The following NAPEPLD variants were observed in gnomAD, a reference collection of about 807,000 sequenced individuals.
NAPEPLD encodes N-acyl-phosphatidylethanolamine-hydrolyzing phospholipase D.
A neutral mutation model predicts 38.1 loss-of-function variants in NAPEPLD; 23 were observed. That is an observed-to-expected ratio of 0.60 (90% CI 0.43 to 0.86). The LOEUF (loss-of-function observed/expected upper bound fraction) is 0.86. NAPEPLD is among the 40% of genes least tolerant of loss of function. The pLI, the probability that NAPEPLD is intolerant of heterozygous loss-of-function variation, is 0.00. For synonymous variants in NAPEPLD, 147 were observed against 162.0 expected (o/e 0.91, Z 0.71); for missense variants, 411 against 476.8 (o/e 0.86, Z 1.28).
intron 1 of NAPEPLD, among the ~76,000 whole-genome samples, chr7:103,144,971 A>G (rs1812237421): frequency 6.6e-6 from 1 of 152,072 alleles, no homozygotes; most frequent in Admixed American, 6.6e-5. Flanking sequence ...AGATTGAGCC[A>G]CTGCACTCCA....
chr7:103,124,276 T>C (rs13221979), intron 2 of NAPEPLD, among the ~76,000 whole-genome samples: 78,911 of 152,000 alleles, frequency 0.52, 23,599 homozygotes, highest in Non-Finnish European at 0.66. Flanking sequence ...CTGACCAACA[T>C]GGAGAAACCC....
intron 1 of NAPEPLD, among the ~76,000 whole-genome samples, chr7:103,136,409 TAA>T (rs10611860): frequency 0.14 from 20,004 of 141,880 alleles, 1,339 homozygotes; most frequent in Middle Eastern, 0.21. Context: ...CTGTCTCTAC[TAA>T]AAAAAAAAAA....
intron 1 of NAPEPLD, chr7:103,141,999 A>C (rs1861725): frequency 0.97 from 646,824 of 669,506 alleles, 315,595 homozygotes; most frequent in South Asian, 1. Context: ...AAACTACACC[A>C]GAGGCTACTG....
At chr7:103,105,089 C>A (rs1803039168) in intron 4 of NAPEPLD, among the ~76,000 whole-genome samples, 1 of 152,166 alleles carries the variant, frequency 6.6e-6, no homozygotes, top group Non-Finnish European at 1.5e-5. Flanking sequence ...TCTTCACAGA[C>A]CAATTCTTCG....
chr7:103,149,254 T>C, upstream of NAPEPLD: 1 of 996,334 alleles, frequency 1.0e-6, no homozygotes, highest in African/African-American at 1.7e-5. Context: ...AGCGGCGGGG[T>C]GCGAGCGCGG....
chr7:103,134,284 C>G (rs1809578749), intron 1 of NAPEPLD, among the ~76,000 whole-genome samples: 1 of 152,150 alleles, frequency 6.6e-6, no homozygotes, highest in Non-Finnish European at 1.5e-5. Context: ...TAAATTTGTT[C>G]TAGAAAACTA....
At position 103,141,760 on chromosome 7, in the gene NAPEPLD, G is replaced by A. The variant is rs910082167; in HGVS notation, c.-17+7051C>T. 3.5e-5 allele frequency: 30 copies of A among 852,336 alleles called. 1 individual carries two copies. The highest frequency in any genetic ancestry group is 2.2e-4 in the Middle Eastern group (1 of 4,582). The allele number at this position is 852,336 out of a possible 1,614,324, so 52.8% of individuals were successfully genotyped here. ...CCAAGGTGTTTTTCCGGCATCAAGCGGGGGAATGGACCATCACAGGCTTGC... is the reference window on the plus strand; with the variant it reads ...CCAAGGTGTTTTTCCGGCATCAAGCAGGGGAATGGACCATCACAGGCTTGC... On this transcript the variant is annotated intron_variant, in intron 1 of 4. Transcript: ENST00000465647.
At chr7:103,109,644 C>T (rs1315373355) in intron 4 of NAPEPLD, among the ~76,000 whole-genome samples, 4 of 152,004 alleles carry the variant, frequency 2.6e-5, no homozygotes, top group Non-Finnish European at 5.9e-5. Context: ...CAAGAGAAAG[C>T]GGGAAAGATC....
chr7:103,148,048 T>G (rs1812939353), intron 1 of NAPEPLD: 1 of 984,994 alleles, frequency 1.0e-6, no homozygotes, highest in Non-Finnish European at 1.2e-6. Flanking sequence ...TTTTAAAGAT[T>G]ACATAACTTC....
At chr7:103,119,135 G>A (rs1447627384) in intron 3 of NAPEPLD, among the ~76,000 whole-genome samples, 1 of 152,172 alleles carries the variant, frequency 6.6e-6, no homozygotes, top group Non-Finnish European at 1.5e-5. Flanking sequence ...TAGTTGAATG[G>A]TATGTGAACT....
intron 4 of NAPEPLD, among the ~76,000 whole-genome samples, chr7:103,105,958 G>C (rs1218676080): frequency 1.5e-5 from 2 of 134,686 alleles, no homozygotes; most frequent in South Asian, 2.3e-4. Context: ...AAAAAAAAAA[G>C]GCTGAAGAGG....
At chr7:103,129,529 G>A (rs771050184) in intron 1 of NAPEPLD, among the ~76,000 whole-genome samples, 2 of 152,118 alleles carry the variant, frequency 1.3e-5, no homozygotes, top group Non-Finnish European at 2.9e-5. Flanking sequence ...CAAGCAAGTC[G>A]AATATATACA....
chr7:103,125,214 T>C (rs980864050), intron 2 of NAPEPLD, among the ~76,000 whole-genome samples: 1 of 152,254 alleles, frequency 6.6e-6, no homozygotes, highest in Non-Finnish European at 1.5e-5. Context: ...ATTTGTTATA[T>C]GTGAACACTG....
chr7:103,146,259 C>T (rs921140765), intron 1 of NAPEPLD, among the ~76,000 whole-genome samples: 1 of 151,866 alleles, frequency 6.6e-6, no homozygotes, highest in African/African-American at 2.4e-5. Context: ...GCATGAGTAT[C>T]GCTTGAACAC....
chr7:103,119,525 A>G, intron 3 of NAPEPLD, 52 bp downstream of exon 3: 1 of 1,535,362 alleles, frequency 6.5e-7, no homozygotes, highest in Non-Finnish European at 8.8e-7. Flanking sequence ...TTACTTTTAA[A>G]TTCAGTTAAT....
chr7:103,119,632 T>C lies in NAPEPLD; in HGVS notation c.886A>G (p.Lys296Glu), dbSNP rs1389082610. Reference sequence around the variant, plus strand: ...GCAAGGTCAAAAGGTCCAAATCTTTTTCCTATCTCTTCAAAAGCAGGGCAA... The same window carrying C: ...GCAAGGTCAAAAGGTCCAAATCTTTCTCCTATCTCTTCAAAAGCAGGGCAA... ...GYCPAFEEIG[K>E]RFGPFDLAAI... Residue 296 changes from lysine (K) to glutamate (E), a missense_variant, in exon 3 of 5, where the codon AAA (lysine) becomes GAA (glutamate). Coordinates refer to ENST00000465647, the MANE Select transcript of NAPEPLD (RefSeq NM_001122838.3). 5 of 1,614,040 alleles carry C rather than the reference T, an allele frequency of 3.1e-6. No individual in the cohort carries two copies. Among genetic ancestry groups the C allele is most frequent in the East Asian group, 4.5e-5 (2 of 44,890 alleles).
Position 103,103,432 on chromosome 7 carries a change from A to C in NAPEPLD, c.1179T>G (p.Phe393Leu), listed in dbSNP as rs1010853566. 1 of 1,555,968 alleles carries C rather than the reference A, an allele frequency of 6.4e-7. No individual in the cohort carries two copies. The highest frequency in any genetic ancestry group is 8.6e-7 in the Non-Finnish European group (1 of 1,161,178). Residue 393 changes from phenylalanine (F) to leucine (L), a missense_variant, in exon 5 of 5, where the codon TTT becomes TTG. Coordinates refer to ENST00000465647, the MANE Select transcript of NAPEPLD (RefSeq NM_001122838.3). ...SRYLNNDDENF is the reference protein window; with the variant it reads ...SRYLNNDDENL ...AAAGTGCCTGTGCTCACATTTATTA[A>C]AAGTTTTCATCATCATTATTTAGGT...
chr7:103,130,244 C>A (rs1041828109), intron 1 of NAPEPLD, among the ~76,000 whole-genome samples: 2 of 152,194 alleles, frequency 1.3e-5, no homozygotes, highest in Non-Finnish European at 1.5e-5. Flanking sequence ...AATACGTACA[C>A]AGAACCAAAA....
intron 2 of NAPEPLD, among the ~76,000 whole-genome samples, chr7:103,122,845 T>C (rs941611189): frequency 1.3e-5 from 2 of 152,224 alleles, no homozygotes; most frequent in African/African-American, 2.4e-5. Context: ...GCCTGTCAAC[T>C]CAATCCATGC....
Sources: allele counts gnomAD v4.1 joint callset (sites outside exome capture counted in the v4.1 genomes callset), GRCh38; gene constraint gnomAD v4.1.1; transcripts MANE v1.5; gene names NCBI Gene and HGNC (gene_info 2026-07-23, HGNC 2026-07-21).